Variants in POLR1A observed in about 807,000 individuals in gnomAD.
POLR1A encodes DNA-directed RNA polymerase I subunit RPA1.
Under a neutral mutation model 205.3 loss-of-function variants are expected in POLR1A, and 84 were observed. The ratio of observed to expected loss-of-function variants is 0.41; its 90% confidence interval spans 0.34 to 0.49. The LOEUF (loss-of-function observed/expected upper bound fraction) is 0.49, where lower values mean the gene tolerates loss of function less well. Among genes scored for constraint, POLR1A ranks in the 20% least tolerant of loss-of-function variants. The pLI is 0.22. For synonymous variants in POLR1A, 799 were observed against 863.7 expected (o/e 0.93, Z 1.31); for missense variants, 1,645 against 2,204.5 (o/e 0.75, Z 5.08).
rs150949701 is a variant in POLR1A, at chr2:86,081,108, C to T, written c.924-130G>A. On this transcript the variant is annotated intron_variant, in intron 8 of 33. Transcript: ENST00000263857. ...CAAAACAACCAACCTTCCTAACCAA[C>T]ATTCCGGCTGGGTGTGGTGGCTTAA... The T allele has an allele frequency of 1.1e-5, 9 of 820,890 alleles. No individual in the cohort carries two copies. The East Asian group carries it at 1.5e-4, about 14-fold the overall frequency. 50.9% of individuals were successfully genotyped at this position (820,890 alleles called of 1,614,324 possible). A position where few individuals can be genotyped will look rare whatever the true frequency, so the allele number is the denominator to read the frequency against.
chr2:86,065,497 T>G (rs373072803), intron 13 of POLR1A, 32 bp from the exon 14 acceptor site: 10 of 1,585,432 alleles, frequency 6.3e-6, no homozygotes, highest in Non-Finnish European at 7.7e-6. Context: ...ACAAGAAGAA[T>G]GAAAATAAAT....
At chr2:86,094,834 C>T (rs1286171513) in intron 3 of POLR1A, among the ~76,000 whole-genome samples, 1 of 152,238 alleles carries the variant, frequency 6.6e-6, no homozygotes, top group Non-Finnish European at 1.5e-5. Flanking sequence ...ACCACTGCCA[C>T]TGTCATCCCC....
Position 86,033,727 on chromosome 2 carries a change from C to T in POLR1A, c.4095G>A (p.Arg1365=), listed in dbSNP as rs1251590599. 4 of 1,613,890 alleles carry T rather than the reference C, an allele frequency of 2.5e-6. No homozygotes were observed. The highest frequency in any genetic ancestry group is 2.2e-5 in the East Asian group (1 of 44,896). The change falls in exon 28 of 34, where the codon AGG becomes AGA. Residue 1365 remains arginine (R), a synonymous_variant. Coordinates refer to ENST00000263857, the MANE Select transcript of POLR1A (RefSeq NM_015425.6). Reference sequence around the variant, plus strand: ...GTGTAGCTCTTCGAGTGTTTACGTTCCTGAAAGCTGATGCTTTATTATTCT... The same window carrying T: ...GTGTAGCTCTTCGAGTGTTTACGTTTCTGAAAGCTGATGCTTTATTATTCT... ...KKKNNKASAF[R]NVNTRRATQR...
At position 86,089,893 on chromosome 2, in the gene POLR1A, T is replaced by A; in HGVS notation, c.469A>T (p.Ile157Phe). The A allele has an allele frequency of 6.2e-7, 1 of 1,611,890 alleles. No individual in the cohort carries two copies. Residue 157 changes from isoleucine (I) to phenylalanine (F), a missense_variant, in exon 4 of 34, where the codon ATT becomes TTT. By Grantham distance (21) the Ile-to-Phe change is conservative. Around this residue, in one of 16 missense-constraint regions of POLR1A, gnomAD observed 330 missense variants for 375.6 expected, o/e 0.88. Transcript: ENST00000263857. ...GTGTATTGTTCTAATTCCTCCCGAA[T>A]TTCAGAGGCAGAGGGATCGGGATTT... ...EENPDPSASE[I>F]REELEQYTTE...
rs1046053782 is a variant in POLR1A at position 86,039,396 on chromosome 2, G to A, written c.3807C>T (p.Leu1269=). ...CTCTCTTCAGGGCTTTCTTGGTGTT[G>A]AGCACGGGCACGCTCATCATGGGTG... ...IKTPMMSVPV[L]NTKKALKRVK... The change falls in exon 26 of 34, where the codon CTC becomes CTT. Residue 1269 remains leucine, a synonymous_variant. Transcript: ENST00000263857. 7.4e-6 allele frequency: 12 copies of A among 1,614,128 alleles called. No individual in the cohort carries two copies. The highest frequency in any genetic ancestry group is 1.0e-5 in the Non-Finnish European group (12 of 1,180,022).
intron 1 of POLR1A, among the ~76,000 whole-genome samples, chr2:86,103,462 G>A (rs1381209045): frequency 2.0e-5 from 3 of 152,188 alleles, no homozygotes; most frequent in East Asian, 3.8e-4. Flanking sequence ...GAAGCTATTA[G>A]AACCTGGCAC....
intron 3 of POLR1A, among the ~76,000 whole-genome samples, chr2:86,095,279 T>A (rs1041545843): frequency 3.3e-5 from 5 of 152,158 alleles, no homozygotes; most frequent in Non-Finnish European, 7.3e-5. Context: ...GGGGAACAAC[T>A]TTTCTATGTG....
intron 27 of POLR1A, among the ~76,000 whole-genome samples, chr2:86,037,829 G>A (rs1208403523): frequency 6.6e-6 from 1 of 152,236 alleles, no homozygotes; most frequent in African/African-American, 2.4e-5. Context: ...TGGGAAGCTT[G>A]TTTTCTTTCT....
At chr2:86,039,132 T>A (rs1244650573) in intron 26 of POLR1A, among the ~76,000 whole-genome samples, 195 bp downstream of exon 26, 1 of 152,134 alleles carries the variant, frequency 6.6e-6, no homozygotes, top group Non-Finnish European at 1.5e-5. Flanking sequence ...CACAGGAGGA[T>A]GCTGTGGAAC....
rs1354263398 is a variant in POLR1A, at chr2:86,105,757, A to G, written c.20T>C (p.Met7Thr). 6.2e-7 allele frequency: 1 copy of G among 1,614,092 alleles called. No homozygotes were observed. Among genetic ancestry groups the G allele is most frequent in the South Asian group, 1.1e-5 (1 of 91,084 alleles). The change falls in exon 1 of 34, where the codon ATG becomes ACG. Residue 7 changes from methionine to threonine, a missense_variant. Met to Thr is a moderately conservative substitution (Grantham distance 81). This residue lies in a region of POLR1A where 330 missense variants were observed against 375.6 expected (regional missense o/e 0.88). Transcript: ENST00000263857. MLISKN[M>T]PWRRLQGISF... Reference sequence around the variant, plus strand: ...AATGCCCTGCAGCCGCCGCCAGGGCATGTTCTTGGAGATCAACATCCTCCA... The same window carrying G: ...AATGCCCTGCAGCCGCCGCCAGGGCGTGTTCTTGGAGATCAACATCCTCCA...
Position 86,078,203 on chromosome 2 carries a change from T to C in POLR1A, c.1168A>G (p.Ile390Val), listed in dbSNP as rs567887061. 8.1e-6 allele frequency: 13 copies of C among 1,613,108 alleles called. No individual in the cohort carries two copies. The highest frequency in any genetic ancestry group is 8.0e-5 in the African/African-American group (6 of 74,912). The change falls in exon 10 of 34, where the codon ATT (isoleucine) becomes GTT (valine). Residue 390 changes from isoleucine to valine, a missense_variant. Around this residue, in one of 16 missense-constraint regions of POLR1A, gnomAD observed 78 missense variants for 77.7 expected, o/e 1.00. Transcript: ENST00000263857. ...GQSLIDKLYNIWIRLQSHVNI... is the reference protein window; with the variant it reads ...GQSLIDKLYNVWIRLQSHVNI... ...ACGTGGCTCTGAAGGCGAATCCAAA[T>C]GTTGTAAAGTTTGTCTATGAGGGAC...
chr2:86,086,769 C>A (rs916666366), intron 6 of POLR1A, among the ~76,000 whole-genome samples: 1 of 152,208 alleles, frequency 6.6e-6, no homozygotes, highest in Non-Finnish European at 1.5e-5. Flanking sequence ...ACTTACCTGC[C>A]GGACATTTGC....
rs1283742865 is a variant in POLR1A at position 86,049,008 on chromosome 2, G to A, written c.2510C>T (p.Ala837Val). 1.2e-6 allele frequency: 2 copies of A among 1,614,094 alleles called. No homozygotes were observed. Among genetic ancestry groups the A allele is most frequent in the Admixed American group, 1.7e-5 (1 of 60,014 alleles). Residue 837 changes from alanine to valine, a missense_variant, in exon 18 of 34, where the codon GCA (alanine) becomes GTA (valine). This residue lies in a region of POLR1A where 339 missense variants were observed against 415.1 expected (regional missense o/e 0.82). Coordinates refer to ENST00000263857, the MANE Select transcript of POLR1A (RefSeq NM_015425.6). ...TTTTCCTCGGACCTCATCATATGAT[G>A]CGGCTTCTGGCAGGTTTAATGCAGC... Reference protein sequence around the residue: ...VRAALNLPEAASYDEVRGKWQ... With the variant: ...VRAALNLPEAVSYDEVRGKWQ...
At chr2:86,072,959 TC>T (rs918412198) in intron 12 of POLR1A, among the ~76,000 whole-genome samples, 15 of 152,088 alleles carry the variant, frequency 9.9e-5, no homozygotes, top group Non-Finnish European at 1.9e-4. Context: ...ATGCCTGTAA[TC>T]CCAGAACTTC....
chr2:86,086,188 A>G (rs1174009999), intron 6 of POLR1A, among the ~76,000 whole-genome samples: 1 of 151,904 alleles, frequency 6.6e-6, no homozygotes, highest in Non-Finnish European at 1.5e-5. Context: ...CCTCCTGAGT[A>G]GCTGGGATTA....
At chr2:86,041,758 G>T in intron 24 of POLR1A, 131 bp downstream of exon 24, 1 of 745,158 alleles carries the variant, frequency 1.3e-6, no homozygotes. Flanking sequence ...CTGTCTTACT[G>T]CCCTCCCTCT....
chr2:86,076,497 C>A (rs1673286260), intron 11 of POLR1A, among the ~76,000 whole-genome samples: 1 of 152,252 alleles, frequency 6.6e-6, no homozygotes, highest in African/African-American at 2.4e-5. Context: ...GCTCCTGTGG[C>A]ACCTGTCAAC....
At chr2:86,051,467 C>T (rs1209840777) in intron 16 of POLR1A, among the ~76,000 whole-genome samples, 1 of 152,196 alleles carries the variant, frequency 6.6e-6, no homozygotes, top group East Asian at 1.9e-4. Context: ...CAAACTCCAG[C>T]TGCAGCAGCT....
rs756299128 is a variant in POLR1A, at chr2:86,048,870, A to G, written c.2634+14T>C. On this transcript the variant is annotated intron_variant, in intron 18 of 33. Coordinates refer to ENST00000263857, the MANE Select transcript of POLR1A (RefSeq NM_015425.6). ...CATAGTGGTGGGGATAAATGCATGC[A>G]ATGCTGGGCTAACCTTGTTAATCTC... 1 of 1,610,072 alleles carries G rather than the reference A, an allele frequency of 6.2e-7. No individual in the cohort carries two copies. The highest frequency in any genetic ancestry group is 8.5e-7 in the Non-Finnish European group (1 of 1,176,468).
Sources: gnomAD v4.1 joint callset for allele counts (sites outside exome capture counted in the v4.1 genomes callset) on GRCh38, gnomAD v4.1.1 for gene constraint, gnomAD v4.1.1 regional missense constraint, MANE v1.5 for transcripts, NCBI Gene and HGNC (gene_info 2026-07-23, HGNC 2026-07-21) for gene names.